The following BCAS3 variants were observed in gnomAD, a reference collection of about 807,000 sequenced individuals.
The protein encoded by BCAS3 is BCAS3 microtubule associated cell migration factor, also known as BCAS4/BCAS3 fusion.
Under a neutral mutation model 116.1 loss-of-function variants are expected in BCAS3, and 53 were observed. That is an observed-to-expected ratio of 0.46 (90% confidence interval 0.37 to 0.57). The LOEUF (loss-of-function observed/expected upper bound fraction) is 0.57, where lower values mean the gene tolerates loss of function less well. Ranked by LOEUF, BCAS3 falls within the 20% of genes least tolerant of loss-of-function variation. BCAS3 has a pLI of 0.00. For synonymous variants in BCAS3, 391 were observed against 408.2 expected, an observed-to-expected ratio of 0.96 and a Z score of 0.51; for missense variants, 917 against 1,165.4, an observed-to-expected ratio of 0.79 and a Z score of 3.10.
At chr17:60,714,683 A>T (rs1460533164) in intron 5 of BCAS3, among the ~76,000 whole-genome samples, 1 of 152,178 alleles carries the variant, frequency 6.6e-6, no homozygotes, top group Non-Finnish European at 1.5e-5. Flanking sequence ...TGGGAGTCTC[A>T]GGTTAAGAAA....
chr17:61,087,141 CG>C lies in BCAS3; in HGVS notation c.2425+2580del. On this transcript the variant is annotated intron_variant, in intron 22 of 23. Transcript: ENST00000407086. The surrounding 1 kb of genome is among the most constrained non-coding windows in gnomAD (Gnocchi z 4.6). ...TAAATTTTTATAATTGCTCTTGAAC[CG>C]GGAAGTGCACCTCTGATTATGATCC... 4.1e-6 allele frequency: 4 copies of C among 985,238 alleles called. No homozygotes were observed. Among genetic ancestry groups the C allele is most frequent in the Non-Finnish European group, 4.8e-6 (4 of 829,844 alleles). 61.0% of individuals were successfully genotyped at this position (985,238 alleles called of 1,614,324 possible).
chr17:60,892,456 T>C (rs1187610337), intron 10 of BCAS3, among the ~76,000 whole-genome samples: 1 of 151,822 alleles, frequency 6.6e-6, no homozygotes, highest in Non-Finnish European at 1.5e-5. Flanking sequence ...AGTACAGACA[T>C]GCGCCACCAT....
chr17:61,168,922 T>G (rs1443579796), intron 22 of BCAS3, among the ~76,000 whole-genome samples: 1 of 152,202 alleles, frequency 6.6e-6, no homozygotes, highest in South Asian at 2.1e-4. Flanking sequence ...CCTAGTTTCC[T>G]AATGCCCACA....
chr17:61,317,417 ACAAGCC>A (rs2054834338), intron 22 of BCAS3, among the ~76,000 whole-genome samples: 1 of 152,238 alleles, frequency 6.6e-6, no homozygotes, highest in East Asian at 1.9e-4. Context: ...TTACTGGGAA[ACAAGCC>A]TTTCCCACAC....
In BCAS3 at chr17:60,995,958, CT is replaced by C. The variant is rs1343111847; in HGVS notation, c.1486+5724del. On this transcript the variant is annotated intron_variant, in intron 15 of 23. Transcript: ENST00000407086. The surrounding 1 kb of genome is among the most constrained non-coding windows in gnomAD (Gnocchi z 4.7). The stretch of plus-strand genomic sequence containing the variant: ...GAGATGATGACATCTGAGCAAAGAT[CT>C]GGTGGAAGTAAGAGAGAAATTCATA... Among the ~76,000 whole-genome samples the C allele has an allele frequency of 6.6e-6, 1 of 152,062 alleles. No homozygotes were observed.
In BCAS3 at chr17:61,084,752, T is replaced by C. The variant is rs112148170; in HGVS notation, c.2425+188T>C. Among the ~76,000 whole-genome samples, 216 of 152,370 alleles carry C rather than the reference T, an allele frequency of 1.4e-3. 1 individual carries two copies. The highest frequency in any genetic ancestry group is 4.4e-3 in the African/African-American group (185 of 41,584). The stretch of plus-strand genomic sequence containing the variant: ...ACAATGCCATGCTTTTAAGCATTCC[T>C]AAGGTTGGTGAATGATGCAGTGGAG... On this transcript the variant is annotated intron_variant, in intron 22 of 23. Coordinates refer to ENST00000407086, the MANE Select transcript of BCAS3 (RefSeq NM_017679.5). The surrounding 1 kb of genome is among the most constrained non-coding windows in gnomAD (Gnocchi z 5.5).
In BCAS3 at chr17:61,128,778, A is replaced by G. The variant is rs991487151; in HGVS notation, c.2425+44214A>G. The stretch of plus-strand genomic sequence containing the variant: ...TAGAATTTTTTCCCCCAGGAAAAAA[A>G]AATCGGCAACTTTTGGTCTGTCACA... On this transcript the variant is annotated intron_variant, in intron 22 of 23. Coordinates refer to ENST00000407086, the MANE Select transcript of BCAS3 (RefSeq NM_017679.5). The surrounding 1 kb of genome is among the most constrained non-coding windows in gnomAD (Gnocchi z 4.1). 1.3e-5 allele frequency among the ~76,000 whole-genome samples: 2 copies of G among 152,186 alleles called. No homozygotes were observed. Among genetic ancestry groups the G allele is most frequent in the African/African-American group, 4.8e-5 (2 of 41,448 alleles).
intron 7 of BCAS3, among the ~76,000 whole-genome samples, chr17:60,808,498 T>C (rs375345676): frequency 4.2e-4 from 64 of 152,294 alleles, no homozygotes; most frequent in African/African-American, 1.5e-3. Context: ...GCACTTCAGA[T>C]CATGTGGCAT....
chr17:61,268,585 G>GTTTT (rs201739100), intron 22 of BCAS3, among the ~76,000 whole-genome samples: 1 of 150,098 alleles, frequency 6.7e-6, no homozygotes, highest in African/African-American at 2.5e-5. Context: ...GGTTTTTTTT[G>GTTTT]TTTTTTTTGT....
At chr17:60,846,478 T>C (rs2052550299) in intron 7 of BCAS3, among the ~76,000 whole-genome samples, 2 of 152,182 alleles carry the variant, frequency 1.3e-5, no homozygotes, top group Admixed American at 1.3e-4. Context: ...GTTTGTGAGT[T>C]GTTCTATATG....
chr17:61,251,610 A>G lies in BCAS3; in HGVS notation c.2426-116717A>G, dbSNP rs1220986328. On this transcript the variant is annotated intron_variant, in intron 22 of 23. Coordinates refer to ENST00000407086, the MANE Select transcript of BCAS3 (RefSeq NM_017679.5). The surrounding 1 kb of genome is among the most constrained non-coding windows in gnomAD (Gnocchi z 4.7). ...GAAAAGAAAGACTGGATCCTGGTCCATCCAAGATGCTGCCCTTGAGACCTC... is the reference window on the plus strand; with the variant it reads ...GAAAAGAAAGACTGGATCCTGGTCCGTCCAAGATGCTGCCCTTGAGACCTC... Among the ~76,000 whole-genome samples, 3 of 151,872 alleles carry G rather than the reference A, an allele frequency of 2.0e-5. No individual in the cohort carries two copies. The highest frequency in any genetic ancestry group is 4.4e-5 in the Non-Finnish European group (3 of 67,980).
chr17:61,290,150 C>G (rs183051147), intron 22 of BCAS3, among the ~76,000 whole-genome samples: 8 of 152,236 alleles, frequency 5.3e-5, no homozygotes, highest in Admixed American at 1.3e-4. Context: ...CCTTTGGAGG[C>G]CGAAACTAAG....
intron 6 of BCAS3, among the ~76,000 whole-genome samples, chr17:60,786,233 C>G (rs1356561530): frequency 1.3e-5 from 2 of 151,894 alleles, no homozygotes; most frequent in African/African-American, 4.8e-5. Context: ...TATGAGGGAG[C>G]CCGGATAGTT....
intron 22 of BCAS3, among the ~76,000 whole-genome samples, chr17:61,111,354 T>C (rs2075079200): frequency 6.7e-6 from 1 of 149,656 alleles, no homozygotes; most frequent in Non-Finnish European, 1.5e-5. Context: ...TTTAGAAGAA[T>C]GTATAACTAG....
intron 22 of BCAS3, among the ~76,000 whole-genome samples, chr17:61,100,955 A>G (rs1481257335): frequency 6.6e-6 from 1 of 152,202 alleles, no homozygotes; most frequent in Non-Finnish European, 1.5e-5. Flanking sequence ...TGGTAGAGCA[A>G]AGGTGTGAAT....
rs920992368 is a variant in BCAS3, at chr17:61,196,224, A to T, written c.2425+111660A>T. ...ATTCCGTAACACAGTGAATCTCAGA[A>T]TTTATTTTTTCAACTGATACTTCCA... is the stretch of plus-strand genomic sequence containing the variant. On this transcript the variant is annotated intron_variant, in intron 22 of 23. Coordinates refer to ENST00000407086, the MANE Select transcript of BCAS3 (RefSeq NM_017679.5). The surrounding 1 kb of genome is among the most constrained non-coding windows in gnomAD (Gnocchi z 4.7). Among the ~76,000 whole-genome samples, 2 of 152,284 alleles carry T rather than the reference A, an allele frequency of 1.3e-5. No individual in the cohort carries two copies. Among genetic ancestry groups the T allele is most frequent in the African/African-American group, 4.8e-5 (2 of 41,556 alleles).
chr17:61,015,344 G>A (rs752517811), intron 15 of BCAS3, among the ~76,000 whole-genome samples: 1 of 152,186 alleles, frequency 6.6e-6, no homozygotes, highest in Non-Finnish European at 1.5e-5. Flanking sequence ...GGCTTGGAGT[G>A]CAGGGGTGCT....
chr17:61,307,345 G>A lies in BCAS3; in HGVS notation c.2426-60982G>A, dbSNP rs1397343492. Among the ~76,000 whole-genome samples the A allele has an allele frequency of 6.6e-6, 1 of 152,184 alleles. No individual in the cohort carries two copies. Among genetic ancestry groups the A allele is most frequent in the Non-Finnish European group, 1.5e-5 (1 of 68,026 alleles). On this transcript the variant is annotated intron_variant, in intron 22 of 23. Transcript: ENST00000407086. The surrounding 1 kb of genome is among the most constrained non-coding windows in gnomAD (Gnocchi z 4.7). Reference sequence around the variant, plus strand: ...AAAAAAACTACCTGTAATTTTTCCTGTCTACTTTTACTAGAGTTTACTAGA... The same window carrying A: ...AAAAAAACTACCTGTAATTTTTCCTATCTACTTTTACTAGAGTTTACTAGA...
At chr17:61,334,664 C>CAAAAAAAA (rs35400660) in intron 22 of BCAS3, among the ~76,000 whole-genome samples, 12 of 50,886 alleles carry the variant, frequency 2.4e-4, no homozygotes, top group East Asian at 6.3e-4. Flanking sequence ...AACTCCATCT[C>CAAAAAAAA]AAAAAAAAAA....
Sources: gnomAD v4.1 joint callset for allele counts (sites outside exome capture counted in the v4.1 genomes callset) on GRCh38, gnomAD v4.1.1 for gene constraint, Gnocchi (gnomAD v3.1) non-coding constraint, MANE v1.5 for transcripts, NCBI Gene and HGNC (gene_info 2026-07-23, HGNC 2026-07-21) for gene names.